Variants in UBA2 observed in about 807,000 individuals in gnomAD.
The protein encoded by UBA2 is SUMO-activating enzyme subunit 2.
Under a neutral mutation model 77.2 loss-of-function variants are expected in UBA2, and 11 were observed. That is an observed-to-expected ratio of 0.14 (90% CI 0.09 to 0.24). The LOEUF (loss-of-function observed/expected upper bound fraction) is 0.24. Among genes scored for constraint, UBA2 ranks in the 10% least tolerant of loss-of-function variants. The pLI is 1.00. For missense variants in UBA2, 487 were observed against 781.7 expected (o/e 0.62, Z 4.50); for synonymous variants, 278 against 276.7 (o/e 1.00, Z -0.05).
Position 34,469,022 on chromosome 19 carries a change from C to T in UBA2, c.1742-18C>T, listed in dbSNP as rs1326330277. 6.3e-7 allele frequency: 1 copy of T among 1,581,498 alleles called. No homozygotes were observed. The highest frequency in any genetic ancestry group is 1.4e-5 in the African/African-American group (1 of 73,096). On this transcript the variant is annotated intron_variant, in intron 16 of 16. Transcript: ENST00000246548. Reference sequence around the variant, plus strand: ...CACGCTTTTACCCATTTTCTTTTTCCCTTTTTTCTGAAATAAGCTCAAGAG... The same window carrying T: ...CACGCTTTTACCCATTTTCTTTTTCTCTTTTTTCTGAAATAAGCTCAAGAG...
chr19:34,455,050 CTG>C (rs1555730356), intron 12 of UBA2, among the ~76,000 whole-genome samples: 3 of 152,100 alleles, frequency 2.0e-5, no homozygotes, highest in African/African-American at 4.8e-5. Context: ...TTTTTAAAAA[CTG>C]AATGTGTATT....
chr19:34,460,420 T>G lies in UBA2; in HGVS notation c.1402-50T>G, dbSNP rs760868680. The G allele has an allele frequency of 4.9e-6, 6 of 1,212,370 alleles. No individual in the cohort carries two copies. In the African/African-American group the frequency reaches 7.7e-5, roughly 16 times the overall value. 75.1% of individuals were successfully genotyped at this position (1,212,370 alleles called of 1,614,324 possible). On this transcript the variant is annotated intron_variant, in intron 13 of 16. Transcript: ENST00000246548. ...TATAGAAGTCTAGGATTTCTTATGA[T>G]CTTTAATTACCTACGTTAATATTTT...
At chr19:34,437,880 C>T (rs1203749468) in intron 5 of UBA2, among the ~76,000 whole-genome samples, 1 of 152,022 alleles carries the variant, frequency 6.6e-6, no homozygotes, top group Non-Finnish European at 1.5e-5. Flanking sequence ...CATGGAAAAA[C>T]CCCGTCTCTA....
At chr19:34,442,807 G>A (rs1457931048) in intron 6 of UBA2, among the ~76,000 whole-genome samples, 1 of 152,098 alleles carries the variant, frequency 6.6e-6, no homozygotes, top group Non-Finnish European at 1.5e-5. Context: ...TTAAATTAGC[G>A]GCTGTCTACT....
chr19:34,465,030 C>T (rs1427224862), intron 15 of UBA2, among the ~76,000 whole-genome samples: 1 of 151,856 alleles, frequency 6.6e-6, no homozygotes, highest in Non-Finnish European at 1.5e-5. Flanking sequence ...AAGAGCAAAA[C>T]TCCATCTCAA....
intron 1 of UBA2, chr19:34,429,341 G>C (rs1270389987): frequency 1.5e-5 from 11 of 749,228 alleles, no homozygotes; most frequent in Non-Finnish European, 1.8e-5. Context: ...TTAGAGATTG[G>C]AGATGTTACT....
intron 6 of UBA2, among the ~76,000 whole-genome samples, chr19:34,440,746 G>A (rs1383397138): frequency 6.6e-6 from 1 of 152,106 alleles, no homozygotes; most frequent in Non-Finnish European, 1.5e-5. Flanking sequence ...GGCCAATATG[G>A]CGAAATCCTG....
intron 3 of UBA2, 121 bp from the exon 4 acceptor site, chr19:34,433,225 CAT>C (rs1420874707): frequency 8.8e-6 from 6 of 680,594 alleles, no homozygotes; most frequent in Non-Finnish European, 1.5e-5. Context: ...ATCTATATGA[CAT>C]ATAATCCTGA....
intron 4 of UBA2, 132 bp from the exon 5 acceptor site, chr19:34,434,736 A>G: frequency 1.5e-6 from 1 of 658,204 alleles, no homozygotes; most frequent in Non-Finnish European, 2.7e-6. Flanking sequence ...CAGTTGTATT[A>G]TTCTGGCCAT....
chr19:34,443,363 G>T (rs764565555), intron 6 of UBA2, among the ~76,000 whole-genome samples: 4 of 151,978 alleles, frequency 2.6e-5, no homozygotes, highest in Non-Finnish European at 4.4e-5. Context: ...TGCTTACATT[G>T]CTGTTGAAAT....
intron 6 of UBA2, among the ~76,000 whole-genome samples, chr19:34,443,587 G>A (rs749638885): frequency 5.3e-5 from 8 of 151,612 alleles, no homozygotes; most frequent in East Asian, 1.9e-4. Context: ...GATTACAGGC[G>A]TGCGCTACCA....
chr19:34,468,498 A>G (rs559914117), intron 16 of UBA2, among the ~76,000 whole-genome samples: 3 of 152,182 alleles, frequency 2.0e-5, no homozygotes, highest in Non-Finnish European at 4.4e-5. Flanking sequence ...GGACGAGGAG[A>G]TAAAACCACC....
At chr19:34,451,548 T>G (rs999009312) in intron 9 of UBA2, among the ~76,000 whole-genome samples, 34 of 126,764 alleles carry the variant, frequency 2.7e-4, no homozygotes, top group African/African-American at 1.0e-3. Context: ...TTTTTTTTTT[T>G]TTTTTTTTTT....
intron 6 of UBA2, 25 bp downstream of exon 6, chr19:34,438,791 G>T: frequency 6.2e-7 from 1 of 1,611,294 alleles, no homozygotes; most frequent in East Asian, 2.2e-5. Flanking sequence ...TTCTTGGCAT[G>T]CTTTTCGGTA....
At chr19:34,457,844 T>C (rs1360635430) in intron 12 of UBA2, among the ~76,000 whole-genome samples, 4 of 152,236 alleles carry the variant, frequency 2.6e-5, no homozygotes, top group African/African-American at 9.6e-5. Context: ...CTTGGAGCTT[T>C]TCTTAATTTC....
intron 14 of UBA2, among the ~76,000 whole-genome samples, chr19:34,461,515 T>A (rs1487464528): frequency 2.0e-5 from 3 of 152,190 alleles, no homozygotes; most frequent in Non-Finnish European, 4.4e-5. Flanking sequence ...TTTAAAAAAA[T>A]GTTTGTTTGT....
chr19:34,443,083 G>T (rs940287316), intron 6 of UBA2, among the ~76,000 whole-genome samples: 16 of 152,164 alleles, frequency 1.1e-4, no homozygotes, highest in Non-Finnish European at 1.0e-4. Context: ...ACTCTGTTCA[G>T]CAGTAAAGAG....
In UBA2 at chr19:34,454,338, A is replaced by C. The variant is rs1184663104; in HGVS notation, c.1117A>C (p.Arg373=). Residue 373 remains arginine (R), a synonymous_variant, in exon 11 of 17, where the codon AGA becomes CGA. Transcript: ENST00000246548. The part of the protein sequence containing the change: ...MHIFSMNMKS[R]FDIKSMAGNI... ...TATTTTCAGTATGAATATGAAGAGT[A>C]GATTTGATATCAAATGTAAGTTATT... 6.2e-7 allele frequency: 1 copy of C among 1,611,098 alleles called. No homozygotes were observed. The highest frequency in any genetic ancestry group is 8.5e-7 in the Non-Finnish European group (1 of 1,179,108).
In UBA2 at chr19:34,460,535, C is replaced by T. The variant is rs897956487; in HGVS notation, c.1467C>T (p.Ile489=). 9 of 1,611,168 alleles carry T rather than the reference C, an allele frequency of 5.6e-6. No homozygotes were observed. Among genetic ancestry groups the T allele is most frequent in the Admixed American group, 1.7e-5 (1 of 59,696 alleles). Residue 489 remains isoleucine, a synonymous_variant, in exon 14 of 17, where the codon ATC becomes ATT. Coordinates refer to ENST00000246548, the MANE Select transcript of UBA2 (RefSeq NM_005499.3). ...AAATTGAAGATGGGAAAGGAACAATCCTAATATCTTCCGAAGAGGGAGAGA... is the reference window on the plus strand; with the variant it reads ...AAATTGAAGATGGGAAAGGAACAATTCTAATATCTTCCGAAGAGGGAGAGA... ...DVQIEDGKGT[I]LISSEEGETE...
Sources: gnomAD v4.1 joint callset for allele counts (sites outside exome capture counted in the v4.1 genomes callset) on GRCh38, gnomAD v4.1.1 for gene constraint, MANE v1.5 for transcripts, NCBI Gene and HGNC (gene_info 2026-07-23, HGNC 2026-07-21) for gene names.